The following NFIA variants were observed in gnomAD, a reference collection of about 807,000 sequenced individuals.
NFIA encodes the protein nuclear factor I A.
In NFIA, 8 loss-of-function variants were observed where a neutral mutation model predicts 62.8. The ratio of observed to expected loss-of-function variants is 0.13; its 90% CI spans 0.07 to 0.23. The LOEUF (loss-of-function observed/expected upper bound fraction) is 0.23, where lower values mean the gene tolerates loss of function less well. Ranked by LOEUF, NFIA falls within the 10% of genes least tolerant of loss-of-function variation. The pLI, the probability that NFIA is intolerant of heterozygous loss-of-function variation, is 1.00. For missense variants in NFIA, 410 were observed against 642.1 expected (o/e 0.64, Z 3.91); for synonymous variants, 235 against 238.1 (o/e 0.99, Z 0.12).
intron 2 of NFIA, among the ~76,000 whole-genome samples, chr1:61,183,426 C>T (rs932622506): frequency 3.4e-4 from 52 of 152,114 alleles, no homozygotes; most frequent in African/African-American, 1.2e-3. Context: ...GGAGGAACAC[C>T]GATAAACCAT....
chr1:61,251,278 C>T (rs904575360), intron 2 of NFIA: 8 of 152,208 alleles, frequency 5.3e-5, no homozygotes, highest in African/African-American at 1.9e-4. Flanking sequence ...TACGTACATA[C>T]ACACACCTTG....
chr1:61,430,168 A>G (rs1264049710), intron 10 of NFIA, among the ~76,000 whole-genome samples: 1 of 152,192 alleles, frequency 6.6e-6, no homozygotes, highest in Non-Finnish European at 1.5e-5. Flanking sequence ...AAATTCTGTA[A>G]AACAGTCAGA....
intron 10 of NFIA, among the ~76,000 whole-genome samples, chr1:61,434,327 A>G (rs1192572399): frequency 6.6e-6 from 1 of 152,146 alleles, no homozygotes; most frequent in Non-Finnish European, 1.5e-5. Context: ...TGAGTTACTC[A>G]TGCAATCTGC....
chr1:61,254,217 AT>A (rs1312801159), intron 2 of NFIA, among the ~76,000 whole-genome samples: 1 of 152,250 alleles, frequency 6.6e-6, no homozygotes, highest in Admixed American at 6.5e-5. Context: ...GTTGTCTGTA[AT>A]AGAATTGTAA....
upstream of NFIA, chr1:61,081,759 T>G (rs938129015): frequency 1.3e-5 from 13 of 1,030,408 alleles, no homozygotes; most frequent in Non-Finnish European, 1.6e-5. Context: ...CACCCCCGCT[T>G]CTGAATGCCA....
chr1:61,289,180 C>G (rs1199487437), intron 3 of NFIA, among the ~76,000 whole-genome samples: 1 of 152,170 alleles, frequency 6.6e-6, no homozygotes, highest in East Asian at 1.9e-4. Flanking sequence ...TATCCTCCCC[C>G]TCAGTTATTG....
chr1:61,439,717 G>A (rs182861248), intron 10 of NFIA, among the ~76,000 whole-genome samples: 1 of 152,276 alleles, frequency 6.6e-6, no homozygotes, highest in Non-Finnish European at 1.5e-5. Flanking sequence ...AGCCTAAATT[G>A]GGAACTAAGG....
chr1:61,098,779 CAAAAATCTT>C (rs1232381533), intron 2 of NFIA, among the ~76,000 whole-genome samples: 11 of 152,024 alleles, frequency 7.2e-5, no homozygotes, highest in Non-Finnish European at 4.4e-5. Flanking sequence ...ACTGTATAGA[CAAAAATCTT>C]ACGTTTAAAA....
intron 2 of NFIA, among the ~76,000 whole-genome samples, chr1:61,090,237 T>G (rs141295386): frequency 6.6e-6 from 1 of 152,326 alleles, no homozygotes; most frequent in African/African-American, 2.4e-5. Flanking sequence ...AAAGTATAGG[T>G]GTTACAGGTG....
chr1:61,326,359 G>A (rs1279425937), intron 3 of NFIA, among the ~76,000 whole-genome samples: 1 of 152,202 alleles, frequency 6.6e-6, no homozygotes, highest in Admixed American at 6.5e-5. Context: ...GGAATATGTG[G>A]ATGGTTCATT....
At chr1:61,258,091 C>T (rs1656538961) in intron 2 of NFIA, among the ~76,000 whole-genome samples, 1 of 152,002 alleles carries the variant, frequency 6.6e-6, no homozygotes, top group African/African-American at 2.4e-5. Flanking sequence ...TTCCACATCA[C>T]TTTATTGATA....
chr1:61,447,840 C>T (rs1448038115), intron 10 of NFIA, among the ~76,000 whole-genome samples: 1 of 152,164 alleles, frequency 6.6e-6, no homozygotes, highest in African/African-American at 2.4e-5. Context: ...ATTAGAACCC[C>T]GTCATAAGCG....
intron 1 of NFIA, among the ~76,000 whole-genome samples, chr1:61,087,746 A>G (rs1164855325): frequency 6.6e-6 from 1 of 152,136 alleles, no homozygotes; most frequent in African/African-American, 2.4e-5. Flanking sequence ...TGGCTGTACT[A>G]CAAGTGGTGA....
intron 6 of NFIA, among the ~76,000 whole-genome samples, chr1:61,373,048 G>T (rs551224514): frequency 6.6e-6 from 1 of 152,194 alleles, no homozygotes; most frequent in Admixed American, 6.5e-5. Context: ...GTAGCTTCTA[G>T]CTTGAACTAT....
intron 2 of NFIA, among the ~76,000 whole-genome samples, chr1:61,169,987 G>A (rs1649841462): frequency 1.3e-5 from 2 of 152,198 alleles, no homozygotes; most frequent in Non-Finnish European, 2.9e-5. Context: ...TGGTGGTACA[G>A]AAAGGAAGAT....
At chr1:61,350,626 G>A (rs992367669) in intron 4 of NFIA, among the ~76,000 whole-genome samples, 1 of 151,910 alleles carries the variant, frequency 6.6e-6, no homozygotes, top group African/African-American at 2.4e-5. Flanking sequence ...GTGTGGCAAA[G>A]TGAGCTCTTG....
At chr1:61,447,388 C>T (rs1306269874) in intron 10 of NFIA, among the ~76,000 whole-genome samples, 2 of 152,070 alleles carry the variant, frequency 1.3e-5, no homozygotes, top group Middle Eastern at 3.2e-3. Flanking sequence ...TGCTCTTATG[C>T]GATAGAAAGT....
At chr1:61,317,110 C>T (rs1056695653) in intron 3 of NFIA, among the ~76,000 whole-genome samples, 1 of 151,984 alleles carries the variant, frequency 6.6e-6, no homozygotes, top group Non-Finnish European at 1.5e-5. Flanking sequence ...TTTCCTAGAG[C>T]AGGCAGCATG....
chr1:61,387,479 T>TTTGTTTG (rs1553180858), intron 7 of NFIA, among the ~76,000 whole-genome samples: 1 of 84,886 alleles, frequency 1.2e-5, no homozygotes. Flanking sequence ...TTTTTTTTTT[T>TTTGTTTG]TTTTTTTTTT....
Sources: allele counts gnomAD v4.1 joint callset (sites outside exome capture counted in the v4.1 genomes callset), GRCh38; gene constraint gnomAD v4.1.1; transcripts MANE v1.5; gene names NCBI Gene and HGNC (gene_info 2026-07-23, HGNC 2026-07-21).